Variants in IDO2 observed in about 807,000 individuals in gnomAD.
IDO2 encodes indoleamine 2,3-dioxygenase 2.
A neutral mutation model predicts 45.1 loss-of-function variants in IDO2; 46 were observed. The observed-to-expected ratio is 1.02, with a 90% CI of 0.80 to 1.30. The LOEUF (loss-of-function observed/expected upper bound fraction) is 1.30. Among genes scored for constraint, IDO2 ranks in the 50% most tolerant of loss-of-function variants. The probability of loss-of-function intolerance (pLI) is 0.00; values close to 1 mark genes in which losing one functional copy is unlikely to be tolerated. For synonymous variants in IDO2, 218 were observed against 184.9 expected (o/e 1.18, Z -1.45); for missense variants, 544 against 491.8 (o/e 1.11, Z -1.00).
Position 39,963,510 on chromosome 8 carries a change from T to C in IDO2, c.100-98T>C, listed in dbSNP as rs979421051. 7.2e-6 allele frequency: 5 copies of C among 692,696 alleles called. No homozygotes were observed. In the African/African-American group the frequency reaches 9.0e-5, roughly 12 times the overall value. 42.9% of individuals were successfully genotyped at this position (692,696 alleles called of 1,614,324 possible). ...TCAATGTTCGTTCAACTGCATTGAC[T>C]TGAATTCCCCTGAAGACTGAAATGT... On this transcript the variant is annotated intron_variant, in intron 2 of 10. Coordinates refer to ENST00000502986, the Ensembl canonical transcript of IDO2.
At chr8:39,977,175 T>C (rs1255852788) in intron 3 of IDO2, among the ~76,000 whole-genome samples, 1 of 152,150 alleles carries the variant, frequency 6.6e-6, no homozygotes, top group Non-Finnish European at 1.5e-5. Context: ...AGATGAATGA[T>C]TGATGGGGAA....
chr8:39,984,414 G>A (rs999238606), intron 5 of IDO2, among the ~76,000 whole-genome samples: 10 of 152,228 alleles, frequency 6.6e-5, no homozygotes, highest in Admixed American at 3.9e-4. Flanking sequence ...GGCAGAGGTT[G>A]CAGTAAGCTG....
rs374099911 is a variant in IDO2 at position 40,013,136 on chromosome 8, T to C, written c.720-429T>C. On this transcript the variant is annotated intron_variant, in intron 9 of 10. Coordinates refer to ENST00000502986, the Ensembl canonical transcript of IDO2. The stretch of plus-strand genomic sequence containing the variant: ...AATTGTGGGTGTTTGTGTATATTTG[T>C]GAGGCTCTTTACTTGGCGGAGTTAA... Among the ~76,000 whole-genome samples the C allele has an allele frequency of 4.5e-4, 69 of 152,214 alleles. 2 individuals are homozygous for C. Among genetic ancestry groups the C allele is most frequent in the African/African-American group, 1.6e-3 (68 of 41,554 alleles).
intron 3 of IDO2, among the ~76,000 whole-genome samples, chr8:39,967,139 AAAATC>A (rs1808097056): frequency 6.6e-6 from 1 of 152,204 alleles, no homozygotes; most frequent in Non-Finnish European, 1.5e-5. Context: ...AGCATAAAGA[AAAATC>A]AAAGAGTGCA....
chr8:40,005,860 G>A (rs1802213107), intron 9 of IDO2, among the ~76,000 whole-genome samples: 1 of 152,166 alleles, frequency 6.6e-6, no homozygotes, highest in Non-Finnish European at 1.5e-5. Flanking sequence ...TGAGGTATTC[G>A]AAGGTGGGTT....
intron 2 of IDO2, among the ~76,000 whole-genome samples, chr8:39,960,610 A>T (rs917398904): frequency 6.6e-6 from 1 of 152,160 alleles, no homozygotes; most frequent in African/African-American, 2.4e-5. Flanking sequence ...TGCTTCTATG[A>T]CCCTGACCTA....
At chr8:39,956,043 A>G (rs1807885997) in intron 2 of IDO2, among the ~76,000 whole-genome samples, 1 of 149,246 alleles carries the variant, frequency 6.7e-6, no homozygotes, top group Non-Finnish European at 1.5e-5. Context: ...TTTTCTTCAT[A>G]AGATGCATTA....
intron 8 of IDO2, among the ~76,000 whole-genome samples, chr8:39,997,393 G>T (rs1048371453): frequency 1.3e-5 from 2 of 151,976 alleles, no homozygotes; most frequent in Non-Finnish European, 2.9e-5. Flanking sequence ...AGAAATCATT[G>T]CCAGATGCGG....
At chr8:39,980,716 C>T (rs1188415346) in intron 4 of IDO2, among the ~76,000 whole-genome samples, 1 of 152,034 alleles carries the variant, frequency 6.6e-6, no homozygotes, top group Non-Finnish European at 1.5e-5. Flanking sequence ...AGAGTCATTG[C>T]AGCCTTGTTA....
intron 3 of IDO2, 139 bp from the exon 4 acceptor site, chr8:39,978,928 G>C: frequency 1.4e-6 from 1 of 739,060 alleles, no homozygotes; most frequent in East Asian, 2.8e-5. Context: ...GTGTGTGCGG[G>C]CTCTTTGTAC....
At chr8:39,944,538 C>T (rs1389855788) in intron 1 of IDO2, among the ~76,000 whole-genome samples, 1 of 152,182 alleles carries the variant, frequency 6.6e-6, no homozygotes, top group Non-Finnish European at 1.5e-5. Context: ...TGCAAGCTGA[C>T]TCCCAGCACA....
At chr8:39,958,443 C>G (rs1025384931) in intron 2 of IDO2, among the ~76,000 whole-genome samples, 2 of 152,174 alleles carry the variant, frequency 1.3e-5, no homozygotes, top group African/African-American at 4.8e-5. Context: ...GTCGCCCAGG[C>G]TGGAGTGCAC....
At chr8:39,989,823 T>A in exon 8 of IDO2, 1 of 1,593,282 alleles carries the variant, frequency 6.3e-7, no homozygotes, top group East Asian at 2.3e-5. Flanking sequence ...CACCAAAACC[T>A]TAGGACAGAT....
intron 1 of IDO2, among the ~76,000 whole-genome samples, chr8:39,940,334 T>C (rs1056079049): frequency 2.6e-5 from 4 of 152,166 alleles, no homozygotes; most frequent in African/African-American, 9.7e-5. Context: ...ATACCAAACA[T>C]TGGGCTTACG....
chr8:39,998,857 G>A lies in IDO2; in HGVS notation c.668-6470G>A, dbSNP rs1802092735. The stretch of plus-strand genomic sequence containing the variant: ...GGGGTTTTGCCATGTTGCCAAGGCT[G>A]GTGTCAAACTCCTGAGCTCAGGAAA... On this transcript the variant is annotated intron_variant, in intron 8 of 10. Transcript: ENST00000502986. Among the ~76,000 whole-genome samples, 3 of 151,738 alleles carry A rather than the reference G, an allele frequency of 2.0e-5. No homozygotes were observed. The South Asian group carries it at 6.3e-4, about 32-fold the overall frequency.
intron 2 of IDO2, among the ~76,000 whole-genome samples, chr8:39,954,538 G>T (rs1364799764): frequency 6.6e-6 from 1 of 151,978 alleles, no homozygotes; most frequent in Non-Finnish European, 1.5e-5. Context: ...AAGGTGTCGT[G>T]GAGTTGGTTT....
chr8:39,982,760 G>T, exon 5 of IDO2: 2 of 1,585,914 alleles, frequency 1.3e-6, no homozygotes, highest in Non-Finnish European at 1.7e-6. Flanking sequence ...GACCAAAAAA[G>T]ATCCAGACGG....
At chr8:39,954,579 T>C (rs538785095) in intron 2 of IDO2, among the ~76,000 whole-genome samples, 1 of 151,824 alleles carries the variant, frequency 6.6e-6, no homozygotes, top group East Asian at 1.9e-4. Context: ...GGCTTGTAGA[T>C]GGCCTCCTTA....
chr8:40,015,827 T>C (rs150478324), exon 11 of IDO2: 96 of 508,312 alleles, frequency 1.9e-4, no homozygotes, highest in African/African-American at 1.8e-3. Context: ...CTTAACGGCA[T>C]GTATAATGGA....
Sources: allele counts gnomAD v4.1 joint callset (sites outside exome capture counted in the v4.1 genomes callset), GRCh38; gene constraint gnomAD v4.1.1; transcripts MANE v1.5; gene names NCBI Gene and HGNC (gene_info 2026-07-23, HGNC 2026-07-21).